Variants in PPM1E observed in about 807,000 individuals in gnomAD.
The protein encoded by PPM1E is protein phosphatase, Mg2+/Mn2+ dependent 1E, also known as protein phosphatase 1E.
In PPM1E, 20 loss-of-function variants were observed where a neutral mutation model predicts 65.9. That is an observed-to-expected ratio of 0.30 (90% CI 0.21 to 0.44). The LOEUF is 0.44. Ranked by LOEUF, PPM1E falls within the 20% of genes least tolerant of loss-of-function variation. The pLI, the probability that PPM1E is intolerant of heterozygous loss-of-function variation, is 1.00. For synonymous variants in PPM1E, 352 were observed against 374.9 expected, an observed-to-expected ratio of 0.94 and a Z score of 0.70; for missense variants, 713 against 953.1, an observed-to-expected ratio of 0.75 and a Z score of 3.32.
Position 58,878,907 on chromosome 17 carries a change from A to G in PPM1E, c.465-76742A>G, listed in dbSNP as rs1004340905. On this transcript the variant is annotated intron_variant, in intron 1 of 6. Transcript: ENST00000308249. ...CAACAAGAGCGAAACTGCATCTCTA[A>G]AAAAAAAAAAGAAAAAAAGAAAACT... 1.9e-4 allele frequency among the ~76,000 whole-genome samples: 11 copies of G among 57,720 alleles called. No individual in the cohort carries two copies. In the South Asian group the frequency reaches 7.1e-3, roughly 37 times the overall value. The allele number at this position is 57,720 out of a possible 152,430, so 37.9% of individuals were successfully genotyped here.
At chr17:58,862,340 A>T (rs1016777081) in intron 1 of PPM1E, among the ~76,000 whole-genome samples, 3 of 152,198 alleles carry the variant, frequency 2.0e-5, no homozygotes, top group Non-Finnish European at 2.9e-5. Context: ...TGCATAATGG[A>T]AATGTTGGAA....
chr17:58,837,459 GT>G (rs1361529642), intron 1 of PPM1E, among the ~76,000 whole-genome samples: 1 of 141,814 alleles, frequency 7.1e-6, no homozygotes, highest in Non-Finnish European at 1.5e-5. Flanking sequence ...TTAAGAAATT[GT>G]TTTAAAAGGC....
chr17:58,913,344 G>T (rs1254084291), intron 1 of PPM1E, among the ~76,000 whole-genome samples: 1 of 152,044 alleles, frequency 6.6e-6, no homozygotes, highest in Admixed American at 6.5e-5. Flanking sequence ...AGTTAGCAAG[G>T]TAATAAGTGA....
chr17:58,825,730 C>T (rs573925576), intron 1 of PPM1E, among the ~76,000 whole-genome samples: 4 of 151,458 alleles, frequency 2.6e-5, no homozygotes, highest in East Asian at 2.0e-4. Context: ...CCACCATGCT[C>T]GGTTAATTTT....
intron 1 of PPM1E, among the ~76,000 whole-genome samples, chr17:58,953,166 C>T (rs2052264126): frequency 6.6e-6 from 1 of 152,214 alleles, no homozygotes; most frequent in Non-Finnish European, 1.5e-5. Flanking sequence ...TGATCTAGAG[C>T]AATTCTCTTT....
At chr17:58,850,532 A>G (rs949130944) in intron 1 of PPM1E, among the ~76,000 whole-genome samples, 1 of 152,160 alleles carries the variant, frequency 6.6e-6, no homozygotes, top group African/African-American at 2.4e-5. Context: ...TCCTTCACTT[A>G]TGAAGCTTAG....
intron 3 of PPM1E, chr17:58,966,581 T>C (rs1276605478): frequency 5.8e-6 from 1 of 172,794 alleles, no homozygotes; most frequent in Admixed American, 6.3e-5. Flanking sequence ...AATCTTGGTC[T>C]CTGAGATAGG....
chr17:58,945,557 C>T lies in PPM1E; in HGVS notation c.465-10092C>T, dbSNP rs528165602. ...TTAACTCAATTCTGACACTAATTGC[C>T]TGGAGTTACAACAGATCCCACAGGA... On this transcript the variant is annotated intron_variant, in intron 1 of 6. Coordinates refer to ENST00000308249, the MANE Select transcript of PPM1E (RefSeq NM_014906.5). Among the ~76,000 whole-genome samples the T allele has an allele frequency of 3.9e-5, 6 of 152,292 alleles. 1 individual carries two copies. The East Asian group carries it at 5.8e-4, about 15-fold the overall frequency.
intron 1 of PPM1E, among the ~76,000 whole-genome samples, chr17:58,816,068 C>T (rs975950477): frequency 1.3e-5 from 2 of 151,910 alleles, no homozygotes; most frequent in Non-Finnish European, 2.9e-5. Flanking sequence ...CTCTGTTGCC[C>T]AGGCTGGAGT....
At chr17:58,836,792 C>T (rs1220203462) in intron 1 of PPM1E, among the ~76,000 whole-genome samples, 28 of 147,748 alleles carry the variant, frequency 1.9e-4, no homozygotes, top group Admixed American at 5.3e-4. Flanking sequence ...GAGGCCGAGA[C>T]GGGCGGATCA....
At chr17:58,976,380 A>G (rs1207263834) in intron 6 of PPM1E, among the ~76,000 whole-genome samples, 2 of 152,200 alleles carry the variant, frequency 1.3e-5, no homozygotes, top group Admixed American at 1.3e-4. Context: ...ATTTACCAAA[A>G]TCCAGTAGCT....
intron 1 of PPM1E, among the ~76,000 whole-genome samples, chr17:58,913,466 C>A (rs1338367904): frequency 6.6e-6 from 1 of 152,146 alleles, no homozygotes; most frequent in Non-Finnish European, 1.5e-5. Context: ...CCAATGGGTT[C>A]TTCTTGCCCA....
intron 1 of PPM1E, among the ~76,000 whole-genome samples, chr17:58,772,594 G>A (rs905676966): frequency 2.0e-5 from 3 of 152,180 alleles, no homozygotes; most frequent in Admixed American, 2.0e-4. Flanking sequence ...AAGAGGAAGA[G>A]GGAGCTGAAA....
At chr17:58,970,882 C>T (rs2030562687) in intron 4 of PPM1E, among the ~76,000 whole-genome samples, 1 of 152,050 alleles carries the variant, frequency 6.6e-6, no homozygotes, top group Non-Finnish European at 1.5e-5. Context: ...GACCCGTAAT[C>T]ATCAATGTGA....
At chr17:58,931,066 T>TA (rs774968022) in intron 1 of PPM1E, among the ~76,000 whole-genome samples, 36,352 of 83,018 alleles carry the variant, frequency 0.44, 6,289 homozygotes, top group Middle Eastern at 0.5. Context: ...ATACAAAAAT[T>TA]AAAAAAAAAA....
At chr17:58,757,023 A>G (rs528972525) in intron 1 of PPM1E, among the ~76,000 whole-genome samples, 36 of 152,318 alleles carry the variant, frequency 2.4e-4, no homozygotes, top group Admixed American at 1.7e-3. Context: ...AGATGAGAGA[A>G]TGGAGTAGAT....
At chr17:58,853,990 A>G (rs904810715) in intron 1 of PPM1E, among the ~76,000 whole-genome samples, 5 of 152,134 alleles carry the variant, frequency 3.3e-5, no homozygotes, top group Non-Finnish European at 7.3e-5. Context: ...TAGAGATTGC[A>G]TTAAATCAGA....
At chr17:58,861,194 ACAGATGTTTTC>A (rs1400199402) in intron 1 of PPM1E, among the ~76,000 whole-genome samples, 1 of 152,174 alleles carries the variant, frequency 6.6e-6, no homozygotes, top group Admixed American at 6.5e-5. Context: ...TACATATCCA[ACAGATGTTTTC>A]CTGTAATTTA....
chr17:58,790,638 T>G (rs539474103), intron 1 of PPM1E, among the ~76,000 whole-genome samples: 1 of 152,276 alleles, frequency 6.6e-6, no homozygotes, highest in East Asian at 1.9e-4. Context: ...TAATCCCTCT[T>G]AAAACCCAGT....
Sources: allele counts gnomAD v4.1 joint callset (sites outside exome capture counted in the v4.1 genomes callset), GRCh38; gene constraint gnomAD v4.1.1; transcripts MANE v1.5; gene names NCBI Gene and HGNC (gene_info 2026-07-23, HGNC 2026-07-21).